Variants in SGK1 observed in about 807,000 individuals in gnomAD.
The protein encoded by SGK1 is serine/threonine-protein kinase Sgk1.
Under a neutral mutation model 64.2 loss-of-function variants are expected in SGK1, and 26 were observed. The ratio of observed to expected loss-of-function variants is 0.40; its 90% CI spans 0.30 to 0.56. The LOEUF is 0.56. SGK1 is among the 20% of genes least tolerant of loss of function. SGK1 has a pLI of 0.38. For missense variants in SGK1, 519 were observed against 645.6 expected (o/e 0.80, Z 2.12); for synonymous variants, 265 against 239.7 (o/e 1.11, Z -0.98).
intron 3 of SGK1, chr6:134,177,567 G>C: frequency 1.2e-6 from 1 of 860,330 alleles, no homozygotes; most frequent in Non-Finnish European, 1.9e-6. Flanking sequence ...TACAACCAGA[G>C]ACCCTCTCCT....
intron 1 of SGK1, chr6:134,297,412 C>T: frequency 1.4e-6 from 1 of 723,194 alleles, no homozygotes; most frequent in Middle Eastern, 3.1e-4. Context: ...TGCTGCTCGG[C>T]ATCTGCGATG....
intron 2 of SGK1, among the ~76,000 whole-genome samples, chr6:134,220,988 A>C (rs934910207): frequency 6.7e-6 from 1 of 149,908 alleles, no homozygotes; most frequent in African/African-American, 2.5e-5. Context: ...GCTCAAAAAA[A>C]AAAAAAAAAA....
chr6:134,172,588 A>T, intron 9 of SGK1, 74 bp downstream of exon 9: 1 of 994,754 alleles, frequency 1.0e-6, no homozygotes, highest in Non-Finnish European at 1.5e-6. Context: ...AAATTATTTT[A>T]AGGCCCTATG....
At chr6:134,280,841 C>T (rs190679536) in intron 1 of SGK1, among the ~76,000 whole-genome samples, 11 of 152,180 alleles carry the variant, frequency 7.2e-5, no homozygotes, top group South Asian at 4.1e-4. Context: ...CCAAGGCAGG[C>T]GGATCACTTT....
intron 1 of SGK1, among the ~76,000 whole-genome samples, chr6:134,290,083 G>A (rs1411195721): frequency 6.6e-6 from 1 of 150,464 alleles, no homozygotes; most frequent in Non-Finnish European, 1.5e-5. Flanking sequence ...CCGTGAGGGG[G>A]AGGTTACAGT....
At chr6:134,272,141 C>CTTTTTT (rs369377380) in intron 1 of SGK1, among the ~76,000 whole-genome samples, 1 of 129,458 alleles carries the variant, frequency 7.7e-6, no homozygotes, top group African/African-American at 2.8e-5. Flanking sequence ...CGTGCCCAGC[C>CTTTTTT]TTTTTTTTTT....
intron 3 of SGK1, among the ~76,000 whole-genome samples, chr6:134,182,661 C>T (rs575024732): frequency 6.6e-6 from 1 of 152,162 alleles, no homozygotes; most frequent in African/African-American, 2.4e-5. Flanking sequence ...CAAAACAATA[C>T]ATCAAGTAAT....
intron 1 of SGK1, among the ~76,000 whole-genome samples, chr6:134,302,638 T>C (rs1380405899): frequency 4.6e-5 from 7 of 152,220 alleles, no homozygotes; most frequent in African/African-American, 1.7e-4. Context: ...TCTGTCTTGA[T>C]AATATCTAAC....
In SGK1 at chr6:134,271,496, A is replaced by G. The variant is rs142878273; in HGVS notation, c.70-9348T>C. On this transcript the variant is annotated intron_variant, in intron 1 of 13. Transcript: ENST00000367858. ...AAATTAAGGCTCAGGGAAAATAGAA[A>G]TGCTGGTGTAATCAGTGGAGAAGAA... Among the ~76,000 whole-genome samples the G allele has an allele frequency of 9.7e-4, 143 of 147,874 alleles. 3 individuals are homozygous for G. The highest frequency in any genetic ancestry group is 3.3e-3 in the African/African-American group (136 of 41,206).
At chr6:134,202,822 G>C (rs1775707133) in intron 3 of SGK1, among the ~76,000 whole-genome samples, 1 of 152,148 alleles carries the variant, frequency 6.6e-6, no homozygotes, top group Non-Finnish European at 1.5e-5. Context: ...AAAATGCACT[G>C]TACTGTAGGG....
At chr6:134,260,989 T>C (rs1287539053) in intron 2 of SGK1, 2 of 152,180 alleles carry the variant, frequency 1.3e-5, no homozygotes, top group African/African-American at 4.8e-5. Context: ...TTTTATATAA[T>C]GGTTTTAAAA....
intron 2 of SGK1, among the ~76,000 whole-genome samples, chr6:134,226,129 G>C (rs1242735931): frequency 1.3e-5 from 2 of 149,600 alleles, no homozygotes; most frequent in African/African-American, 4.9e-5. Flanking sequence ...CAAAAAGAAA[G>C]AAAGGAAAGA....
intron 2 of SGK1, among the ~76,000 whole-genome samples, chr6:134,259,162 T>C (rs1331907535): frequency 6.6e-6 from 1 of 152,190 alleles, no homozygotes; most frequent in Non-Finnish European, 1.5e-5. Context: ...CTTTCAGCTT[T>C]GTTTATTGTT....
chr6:134,274,218 T>C (rs1776985724), intron 1 of SGK1, among the ~76,000 whole-genome samples: 1 of 152,176 alleles, frequency 6.6e-6, no homozygotes, highest in Non-Finnish European at 1.5e-5. Context: ...TTATCCAGGC[T>C]GATCTTGAAC....
At chr6:134,235,368 A>G (rs1582732911) in intron 2 of SGK1, among the ~76,000 whole-genome samples, 1 of 152,292 alleles carries the variant, frequency 6.6e-6, no homozygotes, top group South Asian at 2.1e-4. Flanking sequence ...CTCTGAAATC[A>G]AATTACTGGA....
chr6:134,205,763 A>T (rs925886783), intron 3 of SGK1, among the ~76,000 whole-genome samples: 1 of 152,216 alleles, frequency 6.6e-6, no homozygotes, highest in Non-Finnish European at 1.5e-5. Flanking sequence ...ACTACATTAG[A>T]TTTCTGTGAA....
At chr6:134,240,161 C>T (rs1776421297) in intron 2 of SGK1, among the ~76,000 whole-genome samples, 1 of 151,868 alleles carries the variant, frequency 6.6e-6, no homozygotes, top group South Asian at 2.1e-4. Flanking sequence ...GGATGGTGAC[C>T]GACGCCTATA....
At chr6:134,188,247 C>T (rs1775454141) in intron 3 of SGK1, among the ~76,000 whole-genome samples, 1 of 151,832 alleles carries the variant, frequency 6.6e-6, no homozygotes. Flanking sequence ...TCAGAGAGGT[C>T]TATTCACAGA....
intron 3 of SGK1, among the ~76,000 whole-genome samples, chr6:134,206,704 T>C (rs1775791452): frequency 6.7e-6 from 1 of 149,820 alleles, no homozygotes; most frequent in Non-Finnish European, 1.5e-5. Flanking sequence ...CTGTCTCCAT[T>C]AAAAATACAA....
Sources: allele counts gnomAD v4.1 joint callset (sites outside exome capture counted in the v4.1 genomes callset), GRCh38; gene constraint gnomAD v4.1.1; transcripts MANE v1.5; gene names NCBI Gene and HGNC (gene_info 2026-07-23, HGNC 2026-07-21).